Variants in RAD51B observed in about 807,000 individuals in gnomAD.
RAD51B encodes RAD51 paralog B.
Under a neutral mutation model 42.2 loss-of-function variants are expected in RAD51B, and 38 were observed. The ratio of observed to expected loss-of-function variants is 0.90; its 90% confidence interval spans 0.70 to 1.18. The LOEUF is 1.18. RAD51B is among the 50% of genes most tolerant of loss of function. The probability of loss-of-function intolerance (pLI) is 0.00; values close to 1 mark genes in which losing one functional copy is unlikely to be tolerated. For missense variants in RAD51B, 373 were observed against 400.7 expected, an observed-to-expected ratio of 0.93 and a Z score of 0.59; for synonymous variants, 154 against 145.2, an observed-to-expected ratio of 1.06 and a Z score of -0.43.
At chr14:68,604,989 G>A (rs1470387917) in intron 10 of RAD51B, among the ~76,000 whole-genome samples, 1 of 152,186 alleles carries the variant, frequency 6.6e-6, no homozygotes. Flanking sequence ...CATCAAGCCA[G>A]CAACCTTGTG....
intron 4 of RAD51B, among the ~76,000 whole-genome samples, chr14:67,846,277 G>A (rs2041610379): frequency 6.6e-6 from 1 of 152,168 alleles, no homozygotes; most frequent in African/African-American, 2.4e-5. Flanking sequence ...CAGTCTCCAT[G>A]TGTGTGTTCG....
At chr14:68,041,905 CGTAATT>C (rs753463725) in intron 7 of RAD51B, among the ~76,000 whole-genome samples, 1 of 152,116 alleles carries the variant, frequency 6.6e-6, no homozygotes, top group Non-Finnish European at 1.5e-5. Flanking sequence ...TGTTGTTGCT[CGTAATT>C]GTAAGTTTAA....
intron 7 of RAD51B, among the ~76,000 whole-genome samples, chr14:68,108,105 C>T (rs1386098257): frequency 2.0e-5 from 3 of 151,664 alleles, no homozygotes; most frequent in Admixed American, 2.0e-4. Flanking sequence ...TGATGGAATA[C>T]AAGTCAAAAC....
intron 10 of RAD51B, among the ~76,000 whole-genome samples, chr14:68,476,981 T>C (rs1439674465): frequency 2.0e-5 from 3 of 152,164 alleles, no homozygotes; most frequent in Non-Finnish European, 4.4e-5. Context: ...GAGCCCAGGT[T>C]CTTTTGTTGC....
intron 10 of RAD51B, among the ~76,000 whole-genome samples, chr14:68,488,103 G>T (rs769866105): frequency 1.3e-5 from 2 of 151,898 alleles, no homozygotes; most frequent in Non-Finnish European, 2.9e-5. Context: ...TGAATGGATG[G>T]TTATTACATG....
chr14:68,679,837 C>T (rs764985614), intron 11 of RAD51B, among the ~76,000 whole-genome samples: 11 of 152,234 alleles, frequency 7.2e-5, no homozygotes, highest in Non-Finnish European at 1.3e-4. Flanking sequence ...TGTTCTATAA[C>T]GTTCTTTCTT....
At chr14:68,629,629 T>G (rs1174898526) in intron 10 of RAD51B, among the ~76,000 whole-genome samples, 2 of 152,164 alleles carry the variant, frequency 1.3e-5, no homozygotes. Flanking sequence ...AGGGTTGGAT[T>G]CAGAAGCAAA....
intron 10 of RAD51B, among the ~76,000 whole-genome samples, chr14:68,624,886 C>T (rs1892039878): frequency 6.6e-6 from 1 of 152,146 alleles, no homozygotes; most frequent in Non-Finnish European, 1.5e-5. Flanking sequence ...CGTGGGAGTA[C>T]ATAGGATAGG....
intron 8 of RAD51B, among the ~76,000 whole-genome samples, chr14:68,373,852 A>G (rs1162262321): frequency 6.6e-6 from 1 of 152,224 alleles, no homozygotes; most frequent in East Asian, 1.9e-4. Flanking sequence ...TCTTTCCACT[A>G]TACCACACTG....
chr14:67,969,214 C>G (rs2074847591), intron 7 of RAD51B, among the ~76,000 whole-genome samples: 1 of 152,162 alleles, frequency 6.6e-6, no homozygotes, highest in Non-Finnish European at 1.5e-5. Flanking sequence ...GACACAGAAC[C>G]AAACCATATC....
At chr14:68,641,051 G>A (rs1892449973) in intron 10 of RAD51B, among the ~76,000 whole-genome samples, 2 of 152,132 alleles carry the variant, frequency 1.3e-5, no homozygotes, top group Admixed American at 6.6e-5. Context: ...ACTGATTATG[G>A]TCATATTTGA....
intron 8 of RAD51B, among the ~76,000 whole-genome samples, chr14:68,380,486 T>C (rs1395639884): frequency 1.3e-5 from 2 of 152,202 alleles, no homozygotes; most frequent in African/African-American, 2.4e-5. Flanking sequence ...GTAGTTTTCA[T>C]CAGTTTCCTC....
At chr14:68,276,935 G>A (rs955737174) in intron 7 of RAD51B, among the ~76,000 whole-genome samples, 4 of 152,174 alleles carry the variant, frequency 2.6e-5, no homozygotes, top group Non-Finnish European at 4.4e-5. Context: ...AAAGGATGTC[G>A]GGGAGCAGGT....
At chr14:68,012,311 A>G (rs1226043426) in intron 7 of RAD51B, among the ~76,000 whole-genome samples, 2 of 152,122 alleles carry the variant, frequency 1.3e-5, no homozygotes, top group Admixed American at 6.6e-5. Flanking sequence ...ACATTTCTCT[A>G]CCATGGTCTG....
At chr14:67,826,646 A>G (rs2140280889) in intron 3 of RAD51B, among the ~76,000 whole-genome samples, 1 of 152,298 alleles carries the variant, frequency 6.6e-6, no homozygotes, top group East Asian at 1.9e-4. Context: ...GAAACTTCTA[A>G]AAACAATGAA....
intron 7 of RAD51B, among the ~76,000 whole-genome samples, chr14:68,115,734 A>G (rs900457728): frequency 4.6e-5 from 7 of 152,100 alleles, no homozygotes; most frequent in Admixed American, 6.6e-5. Flanking sequence ...TGTGTCAGGG[A>G]ACTACATATT....
Position 68,411,502 on chromosome 14 carries a change from A to G in RAD51B, c.932A>G (p.Gln311Arg), listed in dbSNP as rs2084419645. Residue 311 changes from glutamine to arginine, a missense_variant, in exon 9 of 11, where the codon CAG becomes CGG. By Grantham distance (43) the Gln-to-Arg change is conservative (BLOSUM62 1). Coordinates refer to ENST00000471583, the MANE Select transcript of RAD51B (RefSeq NM_133510.4). ...AGTGTGAATACCCGGCTGATCCTCC[A>G]GTACCTTGATTCAGAGAGAAGACAG... ...SHSVNTRLIL[Q>R]YLDSERRQIL... 6.2e-6 allele frequency: 10 copies of G among 1,614,030 alleles called. No individual in the cohort carries two copies. The highest frequency in any genetic ancestry group is 4.0e-5 in the African/African-American group (3 of 74,948).
chr14:68,494,690 G>C (rs576392474), intron 10 of RAD51B, among the ~76,000 whole-genome samples: 1 of 152,178 alleles, frequency 6.6e-6, no homozygotes, highest in South Asian at 2.1e-4. Flanking sequence ...ATAAAAATGA[G>C]GGCAGTGAGA....
chr14:68,042,622 C>T (rs1257449074), intron 7 of RAD51B, among the ~76,000 whole-genome samples: 1 of 152,092 alleles, frequency 6.6e-6, no homozygotes, highest in Admixed American at 6.6e-5. Context: ...CTCCCCTTTC[C>T]CATGCTTTTG....
Sources: gnomAD v4.1 joint callset for allele counts (sites outside exome capture counted in the v4.1 genomes callset) on GRCh38, gnomAD v4.1.1 for gene constraint, MANE v1.5 for transcripts, NCBI Gene and HGNC (gene_info 2026-07-23, HGNC 2026-07-21) for gene names.